Variants in NEK1 observed in about 807,000 individuals in gnomAD.
The protein encoded by NEK1 is serine/threonine-protein kinase Nek1.
A neutral mutation model predicts 182.1 loss-of-function variants in NEK1; 137 were observed. The observed-to-expected ratio is 0.75, with a 90% CI of 0.65 to 0.87. NEK1 has a LOEUF of 0.87. NEK1 is among the 40% of genes least tolerant of loss of function. NEK1 has a pLI of 0.00. For synonymous variants in NEK1, 513 were observed against 492.2 expected (o/e 1.04, Z -0.56); for missense variants, 1,391 against 1,494.4 (o/e 0.93, Z 1.14).
rs750788096 is a variant in NEK1, at chr4:169,438,111, C to T, written c.2736G>A (p.Met912Ile). 4 of 1,612,242 alleles carry T rather than the reference C, an allele frequency of 2.5e-6. No individual in the cohort carries two copies. The highest frequency in any genetic ancestry group is 4.5e-5 in the East Asian group (2 of 44,832). The part of the protein sequence containing the change: ...SPEFSEASPQ[M>I]SLKLEGNLEE... ...CTAAATTTCCTTCCAGTTTCAATGA[C>T]ATCTGTGGAGATGCCTCACTGAACT... Residue 912 changes from methionine to isoleucine, a missense_variant, in exon 28 of 36, where the codon ATG (methionine) becomes ATA (isoleucine). Around this residue, in one of 5 missense-constraint regions of NEK1, gnomAD observed 1,216 missense variants for 1,277.6 expected, o/e 0.95. Coordinates refer to ENST00000507142, the MANE Select transcript of NEK1 (RefSeq NM_001199397.3).
At position 169,433,601 on chromosome 4, in the gene NEK1, C is replaced by A; in HGVS notation, c.2829G>T (p.Leu943Phe). The change falls in exon 29 of 36, where the codon TTG (leucine) becomes TTT (phenylalanine). Residue 943 changes from leucine to phenylalanine, a missense_variant. Transcript: ENST00000507142. ...EPSGTNKDES[L>F]PCTITDVWIS... ...TCCACACATCAGTAATAGTGCATGGCAAGCTCTCATCTTTGTTTGTTCCAC... is the reference window on the plus strand; with the variant it reads ...TCCACACATCAGTAATAGTGCATGGAAAGCTCTCATCTTTGTTTGTTCCAC... 1 of 1,613,404 alleles carries A rather than the reference C, an allele frequency of 6.2e-7. No individual in the cohort carries two copies. Among genetic ancestry groups the A allele is most frequent in the South Asian group, 1.1e-5 (1 of 91,054 alleles).
rs71622348 is a variant in NEK1, at chr4:169,535,752, C to T, written c.1665+2057G>A. Among the ~76,000 whole-genome samples, 802 of 151,170 alleles carry T rather than the reference C, an allele frequency of 5.3e-3. 2 individuals carry two copies. Among genetic ancestry groups the T allele is most frequent in the South Asian group, 0.011 (51 of 4,792 alleles). Reference sequence around the variant, plus strand: ...AATATTAGCCCAGCGTGGTGACAGACGCCTGGAATCCCAGCTACTCAGAAG... The same window carrying T: ...AATATTAGCCCAGCGTGGTGACAGATGCCTGGAATCCCAGCTACTCAGAAG... On this transcript the variant is annotated intron_variant, in intron 19 of 35. Coordinates refer to ENST00000507142, the MANE Select transcript of NEK1 (RefSeq NM_001199397.3).
intron 29 of NEK1, among the ~76,000 whole-genome samples, chr4:169,432,301 G>A (rs2149406591): frequency 6.6e-6 from 1 of 152,278 alleles, no homozygotes; most frequent in African/African-American, 2.4e-5. Flanking sequence ...TTCTGAAAGT[G>A]TAAACCAGTA....
At chr4:169,397,565 T>G (rs2110963389) in intron 35 of NEK1, among the ~76,000 whole-genome samples, 1 of 152,282 alleles carries the variant, frequency 6.6e-6, no homozygotes, top group South Asian at 2.1e-4. Context: ...GCATCTTCAA[T>G]TGCTTTACAT....
At chr4:169,502,281 G>A (rs1040611002) in intron 23 of NEK1, among the ~76,000 whole-genome samples, 2 of 150,592 alleles carry the variant, frequency 1.3e-5, no homozygotes, top group African/African-American at 4.9e-5. Flanking sequence ...AAAAGTCCTG[G>A]ACCAGATAGA....
At chr4:169,438,730 G>A (rs569473025) in intron 27 of NEK1, among the ~76,000 whole-genome samples, 25 of 152,120 alleles carry the variant, frequency 1.6e-4, no homozygotes, top group East Asian at 5.8e-4. Context: ...CTATTAATCC[G>A]TTGAAGATTT....
rs114787880 is a variant in NEK1, at chr4:169,543,281, A to T, written c.1563-5370T>A. Among the ~76,000 whole-genome samples, 1,009 of 152,328 alleles carry T rather than the reference A, an allele frequency of 6.6e-3. 9 individuals are homozygous for T. The highest frequency in any genetic ancestry group is 0.023 in the African/African-American group (972 of 41,574). ...ACCACTTGTTTATCGGGTTTGTTAAAGAGCAGATGGTTGTAGATGTGTGGC... is the reference window on the plus strand; with the variant it reads ...ACCACTTGTTTATCGGGTTTGTTAATGAGCAGATGGTTGTAGATGTGTGGC... On this transcript the variant is annotated intron_variant, in intron 18 of 35. Coordinates refer to ENST00000507142, the MANE Select transcript of NEK1 (RefSeq NM_001199397.3).
chr4:169,512,544 C>T (rs1484421520), intron 19 of NEK1, among the ~76,000 whole-genome samples: 3 of 152,010 alleles, frequency 2.0e-5, no homozygotes, highest in Non-Finnish European at 4.4e-5. Context: ...AAACATTTCT[C>T]TCAACCTGTA....
chr4:169,547,750 C>G (rs533104475), intron 18 of NEK1, among the ~76,000 whole-genome samples: 22 of 152,170 alleles, frequency 1.4e-4, no homozygotes, highest in Non-Finnish European at 2.9e-4. Context: ...TCCTTTTCCA[C>G]TTGATTGATT....
intron 19 of NEK1, among the ~76,000 whole-genome samples, chr4:169,521,898 T>A (rs1260534866): frequency 3.9e-5 from 6 of 152,190 alleles, no homozygotes; most frequent in African/African-American, 1.4e-4. Flanking sequence ...TTCGAGTTTA[T>A]CTTATTGTAG....
intron 2 of NEK1, among the ~76,000 whole-genome samples, chr4:169,608,881 A>G (rs1166178854): frequency 6.6e-6 from 1 of 151,950 alleles, no homozygotes; most frequent in Non-Finnish European, 1.5e-5. Context: ...CAACATGGTA[A>G]GACCACTGTC....
At chr4:169,475,730 A>G (rs1469834157) in intron 26 of NEK1, among the ~76,000 whole-genome samples, 3 of 152,176 alleles carry the variant, frequency 2.0e-5, no homozygotes, top group Non-Finnish European at 4.4e-5. Context: ...CATATGATCA[A>G]AAAAGTTAAG....
chr4:169,607,463 A>G (rs1273155935), intron 2 of NEK1, among the ~76,000 whole-genome samples: 2 of 152,038 alleles, frequency 1.3e-5, no homozygotes, highest in African/African-American at 4.8e-5. Flanking sequence ...ATTTTTTTTT[A>G]ATTTTTAATT....
At chr4:169,491,136 C>CAAAAAAAAAAAAAAAAAAAA (rs70964208) in intron 23 of NEK1, among the ~76,000 whole-genome samples, 1 of 45,904 alleles carries the variant, frequency 2.2e-5, no homozygotes, top group African/African-American at 1.3e-4. Context: ...GACTCCATCT[C>CAAAAAAAAAAAAAAAAAAAA]AAAAAAAAAA....
chr4:169,399,840 G>T (rs1731355803), intron 35 of NEK1, among the ~76,000 whole-genome samples: 1 of 151,992 alleles, frequency 6.6e-6, no homozygotes, highest in Non-Finnish European at 1.5e-5. Flanking sequence ...GTCCAGGCTG[G>T]TCTCAAACTC....
At chr4:169,465,258 G>C (rs1025693380) in intron 26 of NEK1, among the ~76,000 whole-genome samples, 3 of 151,962 alleles carry the variant, frequency 2.0e-5, no homozygotes, top group East Asian at 3.9e-4. Flanking sequence ...ATTCAAAAGG[G>C]GAAAAAGTTC....
At chr4:169,423,556 C>T (rs1018716656) in intron 31 of NEK1, among the ~76,000 whole-genome samples, 12 of 152,032 alleles carry the variant, frequency 7.9e-5, no homozygotes, top group African/African-American at 2.7e-4. Flanking sequence ...GATAAATAGA[C>T]AATTTTTAAG....
intron 33 of NEK1, 27 bp from the exon 34 acceptor site, chr4:169,400,678 T>A: frequency 6.6e-7 from 1 of 1,521,556 alleles, no homozygotes; most frequent in Non-Finnish European, 8.9e-7. Context: ...AAATAGAGAT[T>A]TGATTTAAAA....
At chr4:169,539,851 C>T (rs1001984564) in intron 18 of NEK1, among the ~76,000 whole-genome samples, 2 of 152,042 alleles carry the variant, frequency 1.3e-5, no homozygotes, top group African/African-American at 2.4e-5. Context: ...CTAACTTTTA[C>T]GGAAGTAAAG....
Sources: allele counts gnomAD v4.1 joint callset (sites outside exome capture counted in the v4.1 genomes callset), GRCh38; gene constraint gnomAD v4.1.1; regional missense constraint gnomAD v4.1.1; transcripts MANE v1.5; gene names NCBI Gene and HGNC (gene_info 2026-07-23, HGNC 2026-07-21).